GAK: variants seen among roughly 807,000 people sequenced by gnomAD.
GAK encodes cyclin G associated kinase, also known as cyclin-G-associated kinase.
Under a neutral mutation model 143.9 loss-of-function variants are expected in GAK, and 79 were observed. The ratio of observed to expected loss-of-function variants is 0.55; its 90% CI spans 0.46 to 0.66. The LOEUF (loss-of-function observed/expected upper bound fraction) is 0.66, where lower values mean the gene tolerates loss of function less well. Ranked by LOEUF, GAK falls within the 30% of genes least tolerant of loss-of-function variation. The probability of loss-of-function intolerance (pLI) is 0.00; values close to 1 mark genes in which losing one functional copy is unlikely to be tolerated. For synonymous variants in GAK, 881 were observed against 765.5 expected, an observed-to-expected ratio of 1.15 and a Z score of -2.49; for missense variants, 1,693 against 1,779.7, an observed-to-expected ratio of 0.95 and a Z score of 0.88.
rs56326341 is a variant in GAK at position 851,755 on chromosome 4, C to T, written c.3503G>A (p.Ser1168Asn). The T allele has an allele frequency of 3.7e-4, 602 of 1,613,276 alleles. 4 individuals are homozygous for T. The African/African-American group carries it at 6.9e-3, about 18-fold the overall frequency. ...AREERGVRAP[S>N]FAQKPKVSEN... ...ACAGAGAGTGGGGGACTCACCAAAGCTGGGTGCGCGGACCCCCCGCTCCTC... is the reference window on the plus strand; with the variant it reads ...ACAGAGAGTGGGGGACTCACCAAAGTTGGGTGCGCGGACCCCCCGCTCCTC... The change falls in exon 25 of 28, where the codon AGC (serine) becomes AAC (asparagine). Residue 1168 changes from serine to asparagine, a missense_variant. Physicochemically the swap from Ser to Asn is conservative, Grantham distance 46. This residue lies in a region of GAK where 822 missense variants were observed against 788.7 expected (regional missense o/e 1.04). Transcript: ENST00000314167.
intron 7 of GAK, 21 bp from the exon 8 acceptor site, chr4:894,030 A>G: frequency 6.3e-7 from 1 of 1,576,298 alleles, no homozygotes; most frequent in Non-Finnish European, 8.6e-7. Context: ...AGCAGGGGTG[A>G]TGCCTAGGCC....
intron 1 of GAK, among the ~76,000 whole-genome samples, chr4:924,900 TC>T (rs1373122233): frequency 6.6e-6 from 1 of 150,644 alleles, no homozygotes; most frequent in Non-Finnish European, 1.5e-5. Context: ...GTGGTGGAGT[TC>T]CCCCAGGGGC....
At chr4:931,936 C>G (rs1725918223) in intron 1 of GAK, 107 bp downstream of exon 1, 1 of 823,300 alleles carries the variant, frequency 1.2e-6, no homozygotes, top group African/African-American at 1.8e-5. Context: ...CCGCTGGGAC[C>G]CTCCCCAGCC....
chr4:878,973 T>C (rs1368594777), intron 15 of GAK, among the ~76,000 whole-genome samples: 1 of 152,214 alleles, frequency 6.6e-6, no homozygotes, highest in Non-Finnish European at 1.5e-5. Flanking sequence ...CAGCCGGTCC[T>C]TCAGCCACAA....
chr4:896,948 C>T (rs746647353), intron 6 of GAK, among the ~76,000 whole-genome samples: 1 of 152,244 alleles, frequency 6.6e-6, no homozygotes, highest in African/African-American at 2.4e-5. Context: ...CCCCAGGGTA[C>T]GTGAGGGTAT....
intron 24 of GAK, chr4:852,613 T>A (rs1455710762): frequency 1.3e-5 from 2 of 153,316 alleles, no homozygotes; most frequent in African/African-American, 2.4e-5. Context: ...TTAATTTTTT[T>A]TGTATTTTTT....
chr4:903,162 C>G (rs1231279165), intron 5 of GAK, among the ~76,000 whole-genome samples: 1 of 152,128 alleles, frequency 6.6e-6, no homozygotes, highest in African/African-American at 2.4e-5. Context: ...GTGTGGTGGG[C>G]AGGGATGGAG....
chr4:926,073 CA>C (rs1241849146), intron 1 of GAK, among the ~76,000 whole-genome samples: 1 of 151,876 alleles, frequency 6.6e-6, no homozygotes, highest in Admixed American at 6.6e-5. Context: ...CCTCCCCCGA[CA>C]GTGACCTCCC....
chr4:873,672 T>G (rs1352698275), intron 18 of GAK, among the ~76,000 whole-genome samples: 2 of 152,176 alleles, frequency 1.3e-5, no homozygotes, highest in African/African-American at 2.4e-5. Context: ...CCTGCCTTGG[T>G]CTATCCCACC....
In GAK at chr4:902,520, GGGCCAAGTCGGCCGAGGCGGC is replaced by G. The variant is rs1165077621; in HGVS notation, c.525+2096_525+2116del. ...AGGAGGCTCAGGTGGGAGATCACCT[GGGCCAAGTCGGCCGAGGCGGC>G]AGTGAGCCCCGTCAGTGCCGCTGCA... On this transcript the variant is annotated intron_variant, in intron 5 of 27. Coordinates refer to ENST00000314167, the MANE Select transcript of GAK (RefSeq NM_005255.4). Among the ~76,000 whole-genome samples the G allele has an allele frequency of 3.4e-5, 5 of 148,910 alleles. No individual in the cohort carries two copies. The Admixed American group carries it at 3.4e-4, about 10-fold the overall frequency.
chr4:920,378 C>G (rs898545431), intron 1 of GAK, among the ~76,000 whole-genome samples: 7 of 151,454 alleles, frequency 4.6e-5, no homozygotes, highest in African/African-American at 1.7e-4. Flanking sequence ...ACACCTCTAA[C>G]GCAGTATCAC....
chr4:910,600 C>T (rs1435166367), intron 4 of GAK, among the ~76,000 whole-genome samples: 1 of 152,168 alleles, frequency 6.6e-6, no homozygotes, highest in Non-Finnish European at 1.5e-5. Flanking sequence ...CCTGCGGGAA[C>T]AGCTCCTCCT....
At chr4:890,441 A>G (rs1257194804) in intron 10 of GAK, 91 bp downstream of exon 10, 4 of 924,650 alleles carry the variant, frequency 4.3e-6, no homozygotes, top group Middle Eastern at 3.3e-4. Context: ...CCCGGGAGAG[A>G]AGGACCCCAG....
chr4:851,629 G>A, intron 25 of GAK, 121 bp downstream of exon 25: 1 of 1,017,900 alleles, frequency 9.8e-7, no homozygotes, highest in Non-Finnish European at 1.5e-6. Flanking sequence ...TTCTCTGAGT[G>A]GCTTGGCCGT....
At chr4:854,114 CTTTCT>C (rs1214590889) in intron 24 of GAK, among the ~76,000 whole-genome samples, 2 of 148,686 alleles carry the variant, frequency 1.3e-5, no homozygotes, top group African/African-American at 2.5e-5. Context: ...CGCCCATTTT[CTTTCT>C]TTTTTTTTTT....
chr4:866,844 G>A, intron 21 of GAK, 112 bp downstream of exon 21: 1 of 833,512 alleles, frequency 1.2e-6, no homozygotes, highest in Non-Finnish European at 1.9e-6. Flanking sequence ...GTGGGGGAAG[G>A]GCACGTTCCC....
chr4:867,961 C>A (rs1455488062), intron 20 of GAK, among the ~76,000 whole-genome samples: 2 of 152,234 alleles, frequency 1.3e-5, no homozygotes, highest in Non-Finnish European at 2.9e-5. Flanking sequence ...GGCCACATGG[C>A]AGCACTAGGG....
intron 11 of GAK, chr4:888,382 AC>A: frequency 6.4e-6 from 1 of 155,934 alleles, no homozygotes; most frequent in Non-Finnish European, 1.4e-5. Context: ...TGTCGGGGCC[AC>A]CCCCGCACAG....
intron 1 of GAK, among the ~76,000 whole-genome samples, chr4:924,004 G>A (rs1030316346): frequency 2.0e-5 from 3 of 151,804 alleles, no homozygotes; most frequent in Admixed American, 6.6e-5. Flanking sequence ...GACCAACATA[G>A]TGACACCCCA....
Sources: allele counts gnomAD v4.1 joint callset (sites outside exome capture counted in the v4.1 genomes callset), GRCh38; gene constraint gnomAD v4.1.1; regional missense constraint gnomAD v4.1.1; transcripts MANE v1.5; gene names NCBI Gene and HGNC (gene_info 2026-07-23, HGNC 2026-07-21).